Variants in RAB40B observed in about 807,000 individuals in gnomAD.
RAB40B encodes RAB40B, member RAS oncogene family.
A neutral mutation model predicts 24.0 loss-of-function variants in RAB40B; 21 were observed. The observed-to-expected ratio is 0.88, with a 90% confidence interval of 0.62 to 1.26. The LOEUF is 1.26. Among genes scored for constraint, RAB40B ranks in the 50% most tolerant of loss-of-function variants. The pLI, the probability that RAB40B is intolerant of heterozygous loss-of-function variation, is 0.00. For missense variants in RAB40B, 348 were observed against 390.5 expected, an observed-to-expected ratio of 0.89 and a Z score of 0.92; for synonymous variants, 167 against 169.8, an observed-to-expected ratio of 0.98 and a Z score of 0.13.
In RAB40B at chr17:82,658,405, G is replaced by A; in HGVS notation, c.565+86C>T. ...CACAGTGGCCTTGAGACGGGTCCCG[G>A]GAGGCAGACACTTATCCAGGGGGCC... On this transcript the variant is annotated intron_variant, in intron 5 of 5. Coordinates refer to ENST00000571995, the MANE Select transcript of RAB40B (RefSeq NM_006822.3). 2.7e-6 allele frequency: 4 copies of A among 1,458,722 alleles called. No homozygotes were observed. In the East Asian group the frequency reaches 9.1e-5, roughly 33 times the overall value. 90.4% of individuals were successfully genotyped at this position (1,458,722 alleles called of 1,614,324 possible). A position where few individuals can be genotyped will look rare whatever the true frequency, so the allele number is the denominator to read the frequency against.
At chr17:82,693,050 T>C (rs1356909431) in intron 1 of RAB40B, among the ~76,000 whole-genome samples, 3 of 152,070 alleles carry the variant, frequency 2.0e-5, no homozygotes, top group Admixed American at 2.0e-4. Flanking sequence ...TTGCCCAGGC[T>C]GGTGTGCAGT....
chr17:82,677,274 C>G (rs1277349527), intron 1 of RAB40B, among the ~76,000 whole-genome samples: 1 of 152,226 alleles, frequency 6.6e-6, no homozygotes, highest in Non-Finnish European at 1.5e-5. Context: ...AATTAATGTT[C>G]AAGCTATCTC....
At chr17:82,660,839 A>G in intron 3 of RAB40B, 148 bp downstream of exon 3, 2 of 977,552 alleles carry the variant, frequency 2.0e-6, no homozygotes, top group Non-Finnish European at 1.5e-6. Flanking sequence ...ACCACTCTAC[A>G]GCACGTTTTT....
In RAB40B at chr17:82,698,608, G is replaced by A. The variant is rs1296564652; in HGVS notation, c.-12C>T. On this transcript the variant is annotated 5_prime_UTR_variant, in exon 1 of 6. Coordinates refer to ENST00000571995, the MANE Select transcript of RAB40B (RefSeq NM_006822.3). ...CCCAGGGCGCTCATCGTGACGGCCCGGCGCCCCCACCCATGCCCGGCCTGC... is the reference window on the plus strand; with the variant it reads ...CCCAGGGCGCTCATCGTGACGGCCCAGCGCCCCCACCCATGCCCGGCCTGC... 1.0e-5 allele frequency: 15 copies of A among 1,440,424 alleles called. No homozygotes were observed. The highest frequency in any genetic ancestry group is 1.3e-5 in the South Asian group (1 of 74,114). 89.2% of individuals were successfully genotyped at this position (1,440,424 alleles called of 1,614,324 possible).
chr17:82,657,913 G>T lies in RAB40B; in HGVS notation c.787C>A (p.Pro263Thr). The T allele has an allele frequency of 3.1e-6, 5 of 1,611,226 alleles. No individual in the cohort carries two copies. Among genetic ancestry groups the T allele is most frequent in the South Asian group, 1.1e-5 (1 of 90,992 alleles). Residue 263 changes from proline (P) to threonine (T), a missense_variant, in exon 6 of 6, where the codon CCC becomes ACC. Coordinates refer to ENST00000571995, the MANE Select transcript of RAB40B (RefSeq NM_006822.3). ...SLRKVKLVRP[P>T]QSPPKNCTRN... ...GTGCAGTTTTTGGGGGGGCTCTGGG[G>T]GGGGCGGACGAGCTTCACTTTGCGG...
intron 1 of RAB40B, among the ~76,000 whole-genome samples, chr17:82,671,205 AACAC>A (rs201888700): frequency 1.2e-4 from 6 of 49,648 alleles, no homozygotes; most frequent in Admixed American, 3.5e-4. Flanking sequence ...CCGTAACTCT[AACAC>A]ACACTCACAC....
intron 1 of RAB40B, among the ~76,000 whole-genome samples, chr17:82,674,797 C>A (rs1054594959): frequency 6.6e-6 from 1 of 152,070 alleles, no homozygotes; most frequent in Non-Finnish European, 1.5e-5. Context: ...AGCTTCCTCA[C>A]CAGGTGGGAA....
chr17:82,657,839 G>A lies in RAB40B; in HGVS notation c.*24C>T, dbSNP rs1174192268. On this transcript the variant is annotated 3_prime_UTR_variant, in exon 6 of 6. Coordinates refer to ENST00000571995, the MANE Select transcript of RAB40B (RefSeq NM_006822.3). ...GCCGAGCTTCTCCTGGAGAGATTCC[G>A]CCGTGTTTCTTTCAGTGCCTTCCTT... The A allele has an allele frequency of 2.0e-5, 32 of 1,608,068 alleles. No individual in the cohort carries two copies. Among genetic ancestry groups the A allele is most frequent in the Non-Finnish European group, 2.5e-5 (30 of 1,177,564 alleles).
chr17:82,696,137 G>A (rs995905615), intron 1 of RAB40B, among the ~76,000 whole-genome samples: 1 of 152,120 alleles, frequency 6.6e-6, no homozygotes, highest in African/African-American at 2.4e-5. Context: ...CCCAAAGCCG[G>A]GATTACAGGT....
rs1157377172 is a variant in RAB40B, at chr17:82,675,485, C to T, written c.143-10929G>A. 1.3e-5 allele frequency among the ~76,000 whole-genome samples: 2 copies of T among 152,166 alleles called. No individual in the cohort carries two copies. Among genetic ancestry groups the T allele is most frequent in the Non-Finnish European group, 2.9e-5 (2 of 68,030 alleles). ...ACTCCCTTTACCCCATACTTCAGAA[C>T]TGGGGGTGGGGCAGGGTAGGGTAGT... On this transcript the variant is annotated intron_variant, in intron 1 of 5. Coordinates refer to ENST00000571995, the MANE Select transcript of RAB40B (RefSeq NM_006822.3). The surrounding 1 kb of genome is among the most constrained non-coding windows in gnomAD (Gnocchi z 4.5).
intron 1 of RAB40B, among the ~76,000 whole-genome samples, chr17:82,686,678 A>C (rs2046505648): frequency 6.6e-6 from 1 of 152,232 alleles, no homozygotes. Flanking sequence ...TGGCCCAGGC[A>C]ACACCTTCAT....
At position 82,656,602 on chromosome 17, in the gene RAB40B, T is replaced by G. The variant is rs1394625670; in HGVS notation, c.*1261A>C. 1 of 152,252 alleles carries G rather than the reference T, an allele frequency of 6.6e-6. No homozygotes were observed. Among genetic ancestry groups the G allele is most frequent in the African/African-American group, 2.4e-5 (1 of 41,456 alleles). The allele number at this position is 152,252 out of a possible 1,614,324, so 9.4% of individuals were successfully genotyped here. On this transcript the variant is annotated 3_prime_UTR_variant, in exon 6 of 6. Coordinates refer to ENST00000571995, the MANE Select transcript of RAB40B (RefSeq NM_006822.3). ...CACTTCTGTTCCGGAAAAGGAATCCTTTCTCAACAGGCGACAACAGTTCAA... is the reference window on the plus strand; with the variant it reads ...CACTTCTGTTCCGGAAAAGGAATCCGTTCTCAACAGGCGACAACAGTTCAA...
rs911086326 is a variant in RAB40B at position 82,692,572 on chromosome 17, G to A, written c.142+5883C>T. Among the ~76,000 whole-genome samples the A allele has an allele frequency of 6.6e-5, 10 of 152,140 alleles. No individual in the cohort carries two copies. The highest frequency in any genetic ancestry group is 1.0e-4 in the Non-Finnish European group (7 of 67,954). Reference sequence around the variant, plus strand: ...CAGGCGGGCTCTCAGCTGGGACAACGGTGGCCGTGCGATGCGGGGTGGGGG... The same window carrying A: ...CAGGCGGGCTCTCAGCTGGGACAACAGTGGCCGTGCGATGCGGGGTGGGGG... On this transcript the variant is annotated intron_variant, in intron 1 of 5. Coordinates refer to ENST00000571995, the MANE Select transcript of RAB40B (RefSeq NM_006822.3). The surrounding 1 kb of genome is among the most constrained non-coding windows in gnomAD (Gnocchi z 4.0).
At chr17:82,680,382 G>T (rs541568782) in intron 1 of RAB40B, among the ~76,000 whole-genome samples, 2 of 152,246 alleles carry the variant, frequency 1.3e-5, no homozygotes, top group Non-Finnish European at 2.9e-5. Flanking sequence ...CTCGGGGGAC[G>T]GGACGGCAGT....
chr17:82,681,020 C>CAAAAAAAAAAAAAAA (rs201799464), intron 1 of RAB40B, among the ~76,000 whole-genome samples: 3 of 93,948 alleles, frequency 3.2e-5, no homozygotes, highest in Admixed American at 2.9e-4. Flanking sequence ...GACTCCATCT[C>CAAAAAAAAAAAAAAA]AAAAAAAAAA....
rs1375869052 is a variant in RAB40B at position 82,663,151 on chromosome 17, G to A, written c.203+1345C>T. On this transcript the variant is annotated intron_variant, in intron 2 of 5. Transcript: ENST00000571995. The surrounding 1 kb of genome is among the most constrained non-coding windows in gnomAD (Gnocchi z 6.2). ...GTGGGGACCTGAGAGCAGACTGGGC[G>A]GGAGGCCTGAAGCTGTGCAGCAGGA... is the stretch of plus-strand genomic sequence containing the variant. Among the ~76,000 whole-genome samples the A allele has an allele frequency of 1.3e-5, 2 of 152,150 alleles. No homozygotes were observed. The highest frequency in any genetic ancestry group is 4.8e-5 in the African/African-American group (2 of 41,440).
chr17:82,696,494 TG>T (rs1325921490), intron 1 of RAB40B: 1 of 156,016 alleles, frequency 6.4e-6, no homozygotes, highest in Non-Finnish European at 1.4e-5. Context: ...GCTTTATTCC[TG>T]TAGCTCTGGT....
intron 1 of RAB40B, among the ~76,000 whole-genome samples, chr17:82,668,759 G>T (rs1415879471): frequency 6.6e-6 from 1 of 152,208 alleles, no homozygotes; most frequent in Non-Finnish European, 1.5e-5. Context: ...GCACAGAGAC[G>T]CCCGCGTCTA....
chr17:82,659,694 A>C (rs1485300436), intron 3 of RAB40B, 37 bp from the exon 4 acceptor site: 1 of 1,566,484 alleles, frequency 6.4e-7, no homozygotes, highest in Admixed American at 1.7e-5. Flanking sequence ...CGCAGAACAC[A>C]GATGCAGGCA....
Sources: gnomAD v4.1 joint callset for allele counts (sites outside exome capture counted in the v4.1 genomes callset) on GRCh38, gnomAD v4.1.1 for gene constraint, Gnocchi (gnomAD v3.1) non-coding constraint, MANE v1.5 for transcripts, NCBI Gene and HGNC (gene_info 2026-07-23, HGNC 2026-07-21) for gene names.